SPIB: variants seen among roughly 807,000 people sequenced by gnomAD.
SPIB encodes the protein transcription factor Spi-B.
In SPIB, 7 loss-of-function variants were observed where a neutral mutation model predicts 31.9. That is an observed-to-expected ratio of 0.22 (90% CI 0.12 to 0.41). The LOEUF (loss-of-function observed/expected upper bound fraction) is 0.41, where lower values mean the gene tolerates loss of function less well. Among genes scored for constraint, SPIB ranks in the 10% least tolerant of loss-of-function variants. The probability of loss-of-function intolerance (pLI) is 1.00; values close to 1 mark genes in which losing one functional copy is unlikely to be tolerated. For synonymous variants in SPIB, 176 were observed against 158.9 expected (o/e 1.11, Z -0.81); for missense variants, 327 against 360.2 (o/e 0.91, Z 0.75).
At chr19:50,420,659 G>A (rs1026737184) in intron 2 of SPIB, among the ~76,000 whole-genome samples, 8 of 151,970 alleles carry the variant, frequency 5.3e-5, no homozygotes, top group African/African-American at 9.7e-5. Context: ...AAGGAGTCTC[G>A]CTCTGTCACC....
At chr19:50,420,246 C>T (rs578166694) in intron 2 of SPIB, among the ~76,000 whole-genome samples, 50 of 152,152 alleles carry the variant, frequency 3.3e-4, no homozygotes, top group Middle Eastern at 3.4e-3. Context: ...TCTTTTTGTT[C>T]GTATTTTTAA....
intron 5 of SPIB, among the ~76,000 whole-genome samples, chr19:50,426,190 C>G (rs2039564010): frequency 6.6e-6 from 1 of 152,056 alleles, no homozygotes; most frequent in Admixed American, 6.6e-5. Context: ...GCCTGGGCAA[C>G]AGAGCAAGAC....
At position 50,428,041 on chromosome 19, in the gene SPIB, C is replaced by G; in HGVS notation, c.494C>G (p.Thr165Ser). 2 of 1,519,820 alleles carry G rather than the reference C, an allele frequency of 1.3e-6. No individual in the cohort carries two copies. The highest frequency in any genetic ancestry group is 1.8e-6 in the Non-Finnish European group (2 of 1,127,264). 94.1% of individuals were successfully genotyped at this position (1,519,820 alleles called of 1,614,324 possible). The change falls in exon 6 of 6, where the codon ACT (threonine) becomes AGT (serine). Residue 165 changes from threonine to serine, a missense_variant. Around this residue, in one of 4 missense-constraint regions of SPIB, gnomAD observed 238 missense variants for 228.8 expected, o/e 1.04. Coordinates refer to ENST00000595883, the MANE Select transcript of SPIB (RefSeq NM_003121.5). The surrounding 1 kb of genome is among the most constrained non-coding windows in gnomAD (Gnocchi z 6.5). ...GPEGKGSEAGTRKKLRLYQFL... is the reference protein window; with the variant it reads ...GPEGKGSEAGSRKKLRLYQFL... ...CGTGCCCCCGACCCCACCGCAGGGA[C>G]TCGCAAGAAGCTGCGCCTGTACCAG... is the stretch of plus-strand genomic sequence containing the variant.
Position 50,430,393 on chromosome 19 carries a change from C to T in SPIB, c.*2057C>T, listed in dbSNP as rs2122564139. 6.6e-6 allele frequency: 1 copy of T among 152,258 alleles called. No homozygotes were observed. The highest frequency in any genetic ancestry group is 1.5e-5 in the Non-Finnish European group (1 of 68,074). The allele number at this position is 152,258 out of a possible 1,614,324, so 9.4% of individuals were successfully genotyped here. On this transcript the variant is annotated 3_prime_UTR_variant, in exon 6 of 6. Coordinates refer to ENST00000595883, the MANE Select transcript of SPIB (RefSeq NM_003121.5). ...ATCTAGGGTGCATGACTTGCTGCTT[C>T]CCAACCTTAGTTTGTCCCTTCTGTG...
At chr19:50,422,126 C>T (rs959722642) in intron 2 of SPIB, among the ~76,000 whole-genome samples, 4 of 152,204 alleles carry the variant, frequency 2.6e-5, no homozygotes, top group African/African-American at 7.2e-5. Context: ...CCTTCACCTC[C>T]GGAGCCCCCA....
rs768180468 is a variant in SPIB, at chr19:50,423,676, C to T, written c.411C>T (p.Asp137=). The T allele has an allele frequency of 5.0e-6, 8 of 1,613,956 alleles. No individual in the cohort carries two copies. Among genetic ancestry groups the T allele is most frequent in the South Asian group, 4.4e-5 (4 of 91,036 alleles). ...CAGAGGAGGAAGACTTACCGTTGGA[C>T]AGCCCTGCCCTGGAGGTCTCGGACA... ...VLSEEEDLPL[D]SPALEVSDSE... Residue 137 remains aspartate (D), a synonymous_variant, in exon 5 of 6, where the codon GAC becomes GAT. Transcript: ENST00000595883.
Position 50,428,484 on chromosome 19 carries a change from A to G in SPIB, c.*148A>G, listed in dbSNP as rs1340268577. 1.2e-5 allele frequency: 11 copies of G among 926,570 alleles called. No homozygotes were observed. The highest frequency in any genetic ancestry group is 1.7e-5 in the Non-Finnish European group (11 of 641,856). 57.4% of individuals were successfully genotyped at this position (926,570 alleles called of 1,614,324 possible). ...GGGGTAAGGGGAGTGCTGCCCTGCC[A>G]TAATCCCCAAGCCCAGCCCGGGCCT... is the stretch of plus-strand genomic sequence containing the variant. On this transcript the variant is annotated 3_prime_UTR_variant, in exon 6 of 6. Coordinates refer to ENST00000595883, the MANE Select transcript of SPIB (RefSeq NM_003121.5). The surrounding 1 kb of genome is among the most constrained non-coding windows in gnomAD (Gnocchi z 6.5).
chr19:50,427,858 GCCC>G (rs1198149448), intron 5 of SPIB, among the ~76,000 whole-genome samples, 177 bp from the exon 6 acceptor site: 2,957 of 56,586 alleles, frequency 0.052, 199 homozygotes, highest in African/African-American at 0.17. Context: ...GGAGTGGCTT[GCCC>G]CCCCCCCCCC....
intron 5 of SPIB, 66 bp downstream of exon 5, chr19:50,423,821 T>C: frequency 6.5e-7 from 1 of 1,528,908 alleles, no homozygotes; most frequent in Admixed American, 2.0e-5. Flanking sequence ...GAGAGCACCA[T>C]GGCTTCCTGG....
At chr19:50,419,031 T>G (rs1310312123) in intron 1 of SPIB, 46 bp downstream of exon 1, 5 of 1,548,554 alleles carry the variant, frequency 3.2e-6, no homozygotes, top group Non-Finnish European at 4.4e-6. Context: ...CCACCTGCAC[T>G]GCCCCTCTGT....
chr19:50,422,824 C>A lies in SPIB; in HGVS notation c.126C>A (p.Asp42Glu). 1 of 1,551,588 alleles carries A rather than the reference C, an allele frequency of 6.4e-7. No homozygotes were observed. The highest frequency in any genetic ancestry group is 8.7e-7 in the Non-Finnish European group (1 of 1,146,642). The change falls in exon 4 of 6, where the codon GAC (aspartate) becomes GAA (glutamate). Residue 42 changes from aspartate (D) to glutamate (E), a missense_variant and splice_region_variant. Asp to Glu is a conservative substitution (Grantham distance 45). This residue lies in a region of SPIB where 238 missense variants were observed against 228.8 expected (regional missense o/e 1.04). Transcript: ENST00000595883. Reference protein sequence around the residue: ...SSYPDSEGAPDSLWDWTVAPP... With the variant: ...SSYPDSEGAPESLWDWTVAPP... Reference sequence around the variant, plus strand: ...TCTGACTCAGTGCCCTTCCCCCAGACTCCCTGTGGGACTGGACTGTGGCCC... The same window carrying A: ...TCTGACTCAGTGCCCTTCCCCCAGAATCCCTGTGGGACTGGACTGTGGCCC...
chr19:50,427,988 CG>C (rs1311337710), intron 5 of SPIB, 49 bp from the exon 6 acceptor site: 5 of 1,445,106 alleles, frequency 3.5e-6, no homozygotes, highest in Non-Finnish European at 3.7e-6. Context: ...ATGGGGAAGG[CG>C]GGGCCTTAGG....
chr19:50,421,126 C>T (rs1199684069), intron 2 of SPIB, among the ~76,000 whole-genome samples: 1 of 152,158 alleles, frequency 6.6e-6, no homozygotes, highest in African/African-American at 2.4e-5. Context: ...CAGTTGGAGA[C>T]TCATAATAAA....
intron 5 of SPIB, 133 bp downstream of exon 5, chr19:50,423,888 CTG>C: frequency 9.3e-7 from 1 of 1,079,354 alleles, no homozygotes; most frequent in Non-Finnish European, 1.3e-6. Flanking sequence ...CACCTGCTGG[CTG>C]TGTGACCTTG....
At chr19:50,419,212 C>G (rs2039451916) in intron 1 of SPIB, among the ~76,000 whole-genome samples, 1 of 152,184 alleles carries the variant, frequency 6.6e-6, no homozygotes, top group African/African-American at 2.4e-5. Context: ...CTCATTTCCC[C>G]AGAACACTTG....
rs756915284 is a variant in SPIB, at chr19:50,428,208, C to T, written c.661C>T (p.Arg221Cys). Reference protein sequence around the residue: ...RWGQQKGNRKRMTYQKLARAL... With the variant: ...RWGQQKGNRKCMTYQKLARAL... ...GGGCCAGCAGAAGGGGAACCGCAAG[C>T]GCATGACCTACCAGAAGCTGGCGCG... The change falls in exon 6 of 6, where the codon CGC (arginine) becomes TGC (cysteine). Residue 221 changes from arginine (R) to cysteine (C), a missense_variant. Arg to Cys is a radical substitution (Grantham distance 180). This residue lies in a region of SPIB where 54 missense variants were observed against 69.5 expected (regional missense o/e 0.78). Transcript: ENST00000595883. This position sits in a 1 kb window ranked among gnomAD's most constrained non-coding sequence, Gnocchi z 6.5. 8.8e-6 allele frequency: 14 copies of T among 1,584,204 alleles called. No individual in the cohort carries two copies. Among genetic ancestry groups the T allele is most frequent in the Admixed American group, 7.2e-5 (4 of 55,312 alleles).
rs1251516470 is a variant in SPIB, at chr19:50,431,135, G to A, written c.*2799G>A. The A allele has an allele frequency of 6.6e-6, 1 of 152,196 alleles. No homozygotes were observed. Among genetic ancestry groups the A allele is most frequent in the Non-Finnish European group, 1.5e-5 (1 of 68,056 alleles). 9.4% of individuals were successfully genotyped at this position (152,196 alleles called of 1,614,324 possible). A position where few individuals can be genotyped will look rare whatever the true frequency, so the allele number is the denominator to read the frequency against. ...CTCTCAGAGACACCGTGACATCACG[G>A]GTGATGATGAGAGGAGTTCAAAGAG... On this transcript the variant is annotated 3_prime_UTR_variant, in exon 6 of 6. Transcript: ENST00000595883.
rs1301632697 is a variant in SPIB at position 50,423,595 on chromosome 19, C to A, written c.340-10C>A. ...TCCCTGGACATGCAGGTGACCCTGA[C>A]CTTCCGCAGACCCTGGTTCCCCCGG... On this transcript the variant is annotated splice_polypyrimidine_tract_variant and intron_variant, in intron 4 of 5. Transcript: ENST00000595883. 1 of 1,612,570 alleles carries A rather than the reference C, an allele frequency of 6.2e-7. No homozygotes were observed. The highest frequency in any genetic ancestry group is 2.2e-5 in the East Asian group (1 of 44,842).
intron 1 of SPIB, 159 bp from the exon 2 acceptor site, chr19:50,419,787 G>C (rs1217961633): frequency 3.2e-6 from 2 of 620,178 alleles, no homozygotes; most frequent in African/African-American, 3.9e-5. Context: ...TGTCCCAGCA[G>C]GGGGTAGTGG....
Sources: allele counts gnomAD v4.1 joint callset (sites outside exome capture counted in the v4.1 genomes callset), GRCh38; gene constraint gnomAD v4.1.1; regional missense constraint gnomAD v4.1.1; non-coding constraint Gnocchi (gnomAD v3.1); transcripts MANE v1.5; gene names NCBI Gene and HGNC (gene_info 2026-07-23, HGNC 2026-07-21).